ASTN2: variants seen among roughly 807,000 people sequenced by gnomAD.
The protein encoded by ASTN2 is astrotactin 2.
In ASTN2, 54 loss-of-function variants were observed where a neutral mutation model predicts 139.8. The observed-to-expected ratio is 0.39, with a 90% confidence interval of 0.31 to 0.48. The LOEUF (loss-of-function observed/expected upper bound fraction) is 0.48, where lower values mean the gene tolerates loss of function less well. Among genes scored for constraint, ASTN2 ranks in the 20% least tolerant of loss-of-function variants. The probability of loss-of-function intolerance (pLI) is 0.95; values close to 1 mark genes in which losing one functional copy is unlikely to be tolerated. For synonymous variants in ASTN2, 756 were observed against 719.5 expected (o/e 1.05, Z -0.81); for missense variants, 1,565 against 1,725.1 (o/e 0.91, Z 1.64).
intron 11 of ASTN2, among the ~76,000 whole-genome samples, chr9:116,860,369 C>T (rs1832846493): frequency 6.6e-6 from 1 of 152,214 alleles, no homozygotes; most frequent in African/African-American, 2.4e-5. Context: ...ATGTGGTCTC[C>T]TTATCTCACT....
At chr9:117,339,739 G>A (rs1436381303) in intron 1 of ASTN2, among the ~76,000 whole-genome samples, 1 of 151,990 alleles carries the variant, frequency 6.6e-6, no homozygotes, top group Non-Finnish European at 1.5e-5. Flanking sequence ...TTACCCAAAT[G>A]TTTGGGGTGA....
rs1336591510 is a variant in ASTN2 at position 116,425,995 on chromosome 9, T to C, written c.3876A>G (p.Thr1292=). ...RSAYIQSRVE[T]VPYLFCRSEE... is the part of the protein sequence containing the mutation. The stretch of plus-strand genomic sequence containing the variant: ...CGCTGCGGCAGAAAAGATAGGGCAC[T>C]GTTTCCACGCGGCTCTGGATGTAGG... Residue 1292 remains threonine (T), a synonymous_variant, in exon 23 of 23, where the codon ACA becomes ACG. Coordinates refer to ENST00000313400, the MANE Select transcript of ASTN2 (RefSeq NM_001365068.1). 1.9e-6 allele frequency: 3 copies of C among 1,614,168 alleles called. No individual in the cohort carries two copies. Among genetic ancestry groups the C allele is most frequent in the Middle Eastern group, 1.6e-4 (1 of 6,062 alleles).
At chr9:116,651,345 G>C (rs1249395196) in intron 17 of ASTN2, among the ~76,000 whole-genome samples, 183 bp downstream of exon 17, 1 of 152,176 alleles carries the variant, frequency 6.6e-6, no homozygotes. Context: ...GTTTATAACA[G>C]CTAGTATTGT....
chr9:116,966,388 G>A (rs919056837), intron 10 of ASTN2, among the ~76,000 whole-genome samples: 1 of 152,276 alleles, frequency 6.6e-6, no homozygotes, highest in African/African-American at 2.4e-5. Context: ...ATTTAGCAGA[G>A]GCTGTGTCTT....
intron 5 of ASTN2, among the ~76,000 whole-genome samples, chr9:117,044,390 A>G (rs1488625844): frequency 6.6e-6 from 1 of 152,226 alleles, no homozygotes; most frequent in East Asian, 1.9e-4. Flanking sequence ...CATGCAGGTC[A>G]AGCCTTCACT....
chr9:116,732,806 T>C lies in ASTN2; in HGVS notation c.2521+593A>G, dbSNP rs570910411. 5.9e-5 allele frequency among the ~76,000 whole-genome samples: 9 copies of C among 152,224 alleles called. No homozygotes were observed. The South Asian group carries it at 1.0e-3, about 17-fold the overall frequency. On this transcript the variant is annotated intron_variant, in intron 14 of 22. Transcript: ENST00000313400. ...GTAGAAAGGGCAAAAGACTTGGTGC[T>C]ACAGCACCCAGGTTTTAGTCCTGGC...
Position 117,141,573 on chromosome 9 carries a change from C to G in ASTN2, c.1016-95G>C, listed in dbSNP as rs182102796. 271 of 1,173,866 alleles carry G rather than the reference C, an allele frequency of 2.3e-4. 2 individuals are homozygous for G. In the East Asian group the frequency reaches 0.01, roughly 45 times the overall value. The allele number at this position is 1,173,866 out of a possible 1,614,324, so 72.7% of individuals were successfully genotyped here. ...AGTTAGGGCTTGAGCCCACCTTCAG[C>G]CCCTAGAGCACTAGACCTGGCCACC... On this transcript the variant is annotated intron_variant, in intron 3 of 22. Coordinates refer to ENST00000313400, the MANE Select transcript of ASTN2 (RefSeq NM_001365068.1).
Position 116,425,291 on chromosome 9 carries a change from T to G in ASTN2, c.*560A>C. On this transcript the variant is annotated 3_prime_UTR_variant, in exon 23 of 23. Transcript: ENST00000313400. ...CAGGGACTCTGGGCAGACCCACAGG[T>G]AGCAGGAAGAGGCAGGGTCCCACAA... The G allele has an allele frequency of 2.2e-6, 1 of 459,714 alleles. No homozygotes were observed. The highest frequency in any genetic ancestry group is 3.9e-6 in the Non-Finnish European group (1 of 257,140). 28.5% of individuals were successfully genotyped at this position (459,714 alleles called of 1,614,324 possible).
chr9:117,133,944 C>G (rs2132842989), intron 4 of ASTN2, among the ~76,000 whole-genome samples: 1 of 152,150 alleles, frequency 6.6e-6, no homozygotes, highest in African/African-American at 2.4e-5. Context: ...TCTATCCAGT[C>G]CTCCTTGTAA....
intron 2 of ASTN2, among the ~76,000 whole-genome samples, chr9:117,282,651 T>C (rs751266828): frequency 2.5e-4 from 37 of 149,604 alleles, no homozygotes; most frequent in Non-Finnish European, 3.4e-4. Flanking sequence ...AGAACCCACA[T>C]CTGAGCATCA....
At chr9:117,180,213 C>T (rs1221499064) in intron 3 of ASTN2, among the ~76,000 whole-genome samples, 1 of 152,194 alleles carries the variant, frequency 6.6e-6, no homozygotes, top group Non-Finnish European at 1.5e-5. Context: ...GGGCATGACA[C>T]TTCTCAGTTA....
chr9:116,968,402 T>C (rs1836080340), intron 10 of ASTN2, among the ~76,000 whole-genome samples: 1 of 152,108 alleles, frequency 6.6e-6, no homozygotes. Flanking sequence ...GAACATCTGT[T>C]GGGGACCCTG....
chr9:116,565,385 CT>C (rs1853152156), intron 19 of ASTN2, among the ~76,000 whole-genome samples: 5 of 30,756 alleles, frequency 1.6e-4, no homozygotes, highest in African/African-American at 4.8e-4. Flanking sequence ...CTCTCTCTCT[CT>C]CCATATATAT....
At chr9:117,141,141 A>G (rs1176228759) in intron 4 of ASTN2, among the ~76,000 whole-genome samples, 185 bp downstream of exon 4, 1 of 152,092 alleles carries the variant, frequency 6.6e-6, no homozygotes, top group Non-Finnish European at 1.5e-5. Flanking sequence ...CCTGGGGCTC[A>G]GAGAGGTTAG....
intron 4 of ASTN2, among the ~76,000 whole-genome samples, chr9:117,128,477 G>GC (rs1227072822): frequency 1.6e-5 from 2 of 128,930 alleles, no homozygotes; most frequent in East Asian, 4.6e-4. Flanking sequence ...AGGGCAATTG[G>GC]GGAGGTTAGG....
intron 13 of ASTN2, among the ~76,000 whole-genome samples, chr9:116,768,062 C>G (rs1223316568): frequency 6.6e-6 from 1 of 152,174 alleles, no homozygotes; most frequent in African/African-American, 2.4e-5. Context: ...TGTCTTCAAG[C>G]ACTTAGCAGT....
intron 3 of ASTN2, among the ~76,000 whole-genome samples, chr9:117,212,600 CT>C (rs1832173664): frequency 6.8e-6 from 1 of 146,200 alleles, no homozygotes; most frequent in Admixed American, 6.8e-5. Context: ...CAAAAAAACC[CT>C]CCAATCTAAT....
At chr9:117,304,990 C>T (rs968471585) in intron 1 of ASTN2, among the ~76,000 whole-genome samples, 1 of 152,180 alleles carries the variant, frequency 6.6e-6, no homozygotes, top group Non-Finnish European at 1.5e-5. Flanking sequence ...CAGTGTGTGC[C>T]TGAATTATGA....
intron 16 of ASTN2, among the ~76,000 whole-genome samples, chr9:116,683,625 T>C (rs138587813): frequency 1.3e-4 from 20 of 152,322 alleles, no homozygotes; most frequent in African/African-American, 2.4e-4. Flanking sequence ...GTGTTAAGCA[T>C]TGCTAATCCT....
Sources: gnomAD v4.1 joint callset for allele counts (sites outside exome capture counted in the v4.1 genomes callset) on GRCh38, gnomAD v4.1.1 for gene constraint, MANE v1.5 for transcripts, NCBI Gene and HGNC (gene_info 2026-07-23, HGNC 2026-07-21) for gene names.